KCNIP1: variants seen among roughly 807,000 people sequenced by gnomAD.
The protein encoded by KCNIP1 is A-type potassium channel modulatory protein KCNIP1.
Under a neutral mutation model 33.0 loss-of-function variants are expected in KCNIP1, and 18 were observed. The ratio of observed to expected loss-of-function variants is 0.55; its 90% CI spans 0.38 to 0.81. The LOEUF (loss-of-function observed/expected upper bound fraction) is 0.81, where lower values mean the gene tolerates loss of function less well. KCNIP1 is among the 30% of genes least tolerant of loss of function. The probability of loss-of-function intolerance (pLI) is 0.00; values close to 1 mark genes in which losing one functional copy is unlikely to be tolerated. For missense variants in KCNIP1, 238 were observed against 271.6 expected (o/e 0.88, Z 0.87); for synonymous variants, 93 against 98.3 (o/e 0.95, Z 0.32).
chr5:170,709,938 G>A (rs114670969), intron 1 of KCNIP1, among the ~76,000 whole-genome samples: 3,209 of 152,024 alleles, frequency 0.021, 60 homozygotes, highest in Non-Finnish European at 0.032. Flanking sequence ...CACAATCTCG[G>A]CTCACTGCAG....
intron 1 of KCNIP1, among the ~76,000 whole-genome samples, chr5:170,368,507 C>A (rs183303268): frequency 6.6e-6 from 1 of 152,234 alleles, no homozygotes; most frequent in East Asian, 1.9e-4. Flanking sequence ...TTGTGATCCG[C>A]CCGCCTCAGC....
intron 1 of KCNIP1, among the ~76,000 whole-genome samples, chr5:170,711,074 C>T (rs1475736427): frequency 1.3e-5 from 2 of 152,214 alleles, no homozygotes; most frequent in Non-Finnish European, 2.9e-5. Flanking sequence ...AACAAACCAT[C>T]GTTAATTATG....
rs375466873 is a variant in KCNIP1, at chr5:170,602,900, C to G, written c.61+98267C>G. Among the ~76,000 whole-genome samples the G allele has an allele frequency of 4.3e-4, 65 of 152,318 alleles. No individual in the cohort carries two copies. In the South Asian group the frequency reaches 0.013, roughly 31 times the overall value. ...GCTTTCTGATTCCACTGCATGTGGT[C>G]CCAAGGTTCGGCGCCGCATCACACA... On this transcript the variant is annotated intron_variant, in intron 1 of 7. Coordinates refer to ENST00000328939, the MANE Select transcript of KCNIP1 (RefSeq NM_014592.4).
intron 1 of KCNIP1, chr5:170,375,258 T>A (rs935851728): frequency 6.6e-6 from 1 of 152,242 alleles, no homozygotes. Flanking sequence ...CAATTAAGAC[T>A]TTCTTAAAAG....
intron 1 of KCNIP1, among the ~76,000 whole-genome samples, chr5:170,713,195 T>G (rs563055731): frequency 6.6e-6 from 1 of 152,360 alleles, no homozygotes; most frequent in Admixed American, 6.5e-5. Flanking sequence ...TGTTCTCTTT[T>G]TCTCCATGGT....
chr5:170,422,155 C>T (rs1267282822), intron 1 of KCNIP1: 2 of 152,152 alleles, frequency 1.3e-5, no homozygotes, highest in African/African-American at 4.8e-5. Context: ...ACATGCAAAA[C>T]CATCATAGAC....
chr5:170,479,034 T>A (rs1561644099), intron 1 of KCNIP1, among the ~76,000 whole-genome samples: 1 of 152,156 alleles, frequency 6.6e-6, no homozygotes, highest in Non-Finnish European at 1.5e-5. Context: ...AGCAGAGAAA[T>A]CCACAAATGT....
chr5:170,550,809 A>G (rs1021326364), intron 1 of KCNIP1, among the ~76,000 whole-genome samples: 1 of 152,158 alleles, frequency 6.6e-6, no homozygotes, highest in Non-Finnish European at 1.5e-5. Context: ...TGATGGTGAT[A>G]TTGGTGATGG....
intron 1 of KCNIP1, among the ~76,000 whole-genome samples, chr5:170,459,324 T>C (rs1314228543): frequency 6.6e-6 from 1 of 152,174 alleles, no homozygotes; most frequent in Non-Finnish European, 1.5e-5. Context: ...ATTTAAAGTA[T>C]ATCCTGGAAC....
chr5:170,425,051 G>T (rs953718306), intron 1 of KCNIP1, among the ~76,000 whole-genome samples: 1 of 152,048 alleles, frequency 6.6e-6, no homozygotes, highest in African/African-American at 2.4e-5. Flanking sequence ...CCTCAGAAAG[G>T]CCCTCCCTGT....
chr5:170,636,014 C>A (rs989486062), intron 1 of KCNIP1, among the ~76,000 whole-genome samples: 7 of 152,214 alleles, frequency 4.6e-5, no homozygotes, highest in African/African-American at 1.4e-4. Context: ...GCAAGTTCTC[C>A]CAGATGTGAC....
At chr5:170,691,828 G>A (rs894649146) in intron 1 of KCNIP1, among the ~76,000 whole-genome samples, 1 of 152,028 alleles carries the variant, frequency 6.6e-6, no homozygotes, top group Non-Finnish European at 1.5e-5. Context: ...AGTATGCAGG[G>A]CAAGGTCCTG....
At chr5:170,428,906 T>C (rs1755672141) in intron 1 of KCNIP1, among the ~76,000 whole-genome samples, 2 of 152,110 alleles carry the variant, frequency 1.3e-5, no homozygotes, top group East Asian at 1.9e-4. Flanking sequence ...GTCTGCCCTC[T>C]GCTTGTACTC....
chr5:170,501,488 C>T (rs758697018), upstream of KCNIP1, among the ~76,000 whole-genome samples: 14 of 152,212 alleles, frequency 9.2e-5, no homozygotes, highest in Non-Finnish European at 1.6e-4. Flanking sequence ...GGTGACTTCA[C>T]TTTATACCTA....
chr5:170,619,721 G>A (rs1759529479), intron 1 of KCNIP1, among the ~76,000 whole-genome samples: 1 of 152,192 alleles, frequency 6.6e-6, no homozygotes, highest in South Asian at 2.1e-4. Context: ...ATAATTAGTT[G>A]TTATGGGACC....
At chr5:170,523,735 G>A (rs547480488) in intron 1 of KCNIP1, among the ~76,000 whole-genome samples, 3 of 152,190 alleles carry the variant, frequency 2.0e-5, no homozygotes, top group South Asian at 2.1e-4. Flanking sequence ...TTCCAGCCAG[G>A]CATCTGCAAA....
At position 170,721,887 on chromosome 5, in the gene KCNIP1, G is replaced by C. The variant is rs200199892; in HGVS notation, c.311G>C (p.Gly104Ala). The C allele has an allele frequency of 1.8e-5, 29 of 1,613,966 alleles. No homozygotes were observed. Among genetic ancestry groups the C allele is most frequent in the Non-Finnish European group, 2.4e-5 (28 of 1,180,030 alleles). ...LFNAFDTTQT[G>A]SVKFEDFVTA... ...AATGCCTTCGACACCACTCAGACAG[G>C]CTCCGTGAAGTTCGAGGTACGCTCA... The change falls in exon 4 of 8, where the codon GGC becomes GCC. Residue 104 changes from glycine to alanine, a missense_variant. Coordinates refer to ENST00000328939, the MANE Select transcript of KCNIP1 (RefSeq NM_014592.4).
chr5:170,499,673 G>C (rs1757375080), upstream of KCNIP1, among the ~76,000 whole-genome samples: 1 of 152,142 alleles, frequency 6.6e-6, no homozygotes, highest in Admixed American at 6.5e-5. Flanking sequence ...AGGGAGCACT[G>C]AGTAGGGAGG....
intron 2 of KCNIP1, 24 bp from the exon 3 acceptor site, chr5:170,720,297 G>A (rs1372982355): frequency 1.1e-5 from 17 of 1,595,698 alleles, no homozygotes; most frequent in East Asian, 4.5e-5. Context: ...AATGCCTCCC[G>A]CTGACTCTCT....
Sources: gnomAD v4.1 joint callset for allele counts (sites outside exome capture counted in the v4.1 genomes callset) on GRCh38, gnomAD v4.1.1 for gene constraint, MANE v1.5 for transcripts, NCBI Gene and HGNC (gene_info 2026-07-23, HGNC 2026-07-21) for gene names.